Variants in GLG1 observed in about 807,000 individuals in gnomAD.
GLG1 encodes the protein Golgi apparatus protein 1.
Under a neutral mutation model 160.5 loss-of-function variants are expected in GLG1, and 38 were observed. The ratio of observed to expected loss-of-function variants is 0.24; its 90% CI spans 0.18 to 0.31. The LOEUF is 0.31. GLG1 is among the 10% of genes least tolerant of loss of function. GLG1 has a pLI of 1.00. For synonymous variants in GLG1, 644 were observed against 543.4 expected (o/e 1.19, Z -2.57); for missense variants, 1,373 against 1,505.2 (o/e 0.91, Z 1.45).
At chr16:74,459,603 G>C in intron 23 of GLG1, 79 bp downstream of exon 23, 1 of 747,728 alleles carries the variant, frequency 1.3e-6, no homozygotes, top group Non-Finnish European at 2.3e-6. Flanking sequence ...TACCAAGGTA[G>C]GCAGACTACA....
rs752260860 is a variant in GLG1 at position 74,493,034 on chromosome 16, T to A, written c.1157A>T (p.Asn386Ile). ...ACGCGATCGCGGAAGGTTTTCCACA[T>A]TGCACCGGTATTTCTTCAAGTCACT... The part of the protein sequence containing the change: ...CKSDLKKYRC[N>I]VENLPRSREA... The change falls in exon 7 of 26, where the codon AAT becomes ATT. Residue 386 changes from asparagine (N) to isoleucine (I), a missense_variant. Physicochemically the swap from Asn to Ile is moderately radical, Grantham distance 149 (BLOSUM62 -3). Coordinates refer to ENST00000422840, the MANE Select transcript of GLG1 (RefSeq NM_001145667.2). 1.1e-5 allele frequency: 18 copies of A among 1,613,866 alleles called. No homozygotes were observed. The highest frequency in any genetic ancestry group is 1.4e-5 in the Non-Finnish European group (17 of 1,179,788).
intron 1 of GLG1, among the ~76,000 whole-genome samples, chr16:74,602,076 G>C (rs903585397): frequency 6.6e-6 from 1 of 152,046 alleles, no homozygotes; most frequent in Non-Finnish European, 1.5e-5. Flanking sequence ...ACTATCTCAA[G>C]TATACAGTTA....
chr16:74,510,322 C>T (rs2016763671), intron 2 of GLG1, among the ~76,000 whole-genome samples: 1 of 152,194 alleles, frequency 6.6e-6, no homozygotes, highest in Admixed American at 6.5e-5. Flanking sequence ...TGAGCCACTG[C>T]ACCCAGCCCA....
At chr16:74,491,296 A>C in intron 7 of GLG1, 81 bp from the exon 8 acceptor site, 1 of 979,792 alleles carries the variant, frequency 1.0e-6, no homozygotes, top group Non-Finnish European at 1.6e-6. Flanking sequence ...TTAAAAGTAC[A>C]TATTTCTATC....
intron 1 of GLG1, among the ~76,000 whole-genome samples, chr16:74,560,092 C>T (rs1018036308): frequency 6.6e-6 from 1 of 152,132 alleles, no homozygotes; most frequent in Admixed American, 6.6e-5. Flanking sequence ...CACTGGGCCA[C>T]ACGCGTTTCG....
Position 74,540,104 on chromosome 16 carries a change from T to TTA in GLG1, c.439-7953_439-7952dup, listed in dbSNP as rs1365603054. 9.0e-3 allele frequency among the ~76,000 whole-genome samples: 12 copies of TTA among 1,334 alleles called. 4 individuals are homozygous for TTA. Among genetic ancestry groups the TTA allele is most frequent in the African/African-American group, 0.01 (12 of 1,186 alleles). The allele number at this position is 1,334 out of a possible 152,430, so 0.9% of individuals were successfully genotyped here. On this transcript the variant is annotated intron_variant, in intron 1 of 25. Transcript: ENST00000422840. The stretch of plus-strand genomic sequence containing the variant: ...ATTTTATATATATATTATATATATT[T>TTA]TATATATATATATTATATATATTTT...
Position 74,503,725 on chromosome 16 carries a change from G to C in GLG1, c.580C>G (p.Pro194Ala). Residue 194 changes from proline to alanine, a missense_variant, in exon 4 of 26, where the codon CCG becomes GCG. Pro to Ala is a conservative substitution (Grantham distance 27, BLOSUM62 -1). Coordinates refer to ENST00000422840, the MANE Select transcript of GLG1 (RefSeq NM_001145667.2). ...GAAACCATGTAACCTTTTCCAACCG[G>C]TTCATCAGCACATTCTTTAATCTGC... The part of the protein sequence containing the change: ...ITEIKECADE[P>A]VGKGYMVSCL... 2 of 1,610,954 alleles carry C rather than the reference G, an allele frequency of 1.2e-6. No homozygotes were observed. Among genetic ancestry groups the C allele is most frequent in the East Asian group, 2.2e-5 (1 of 44,848 alleles).
At chr16:74,554,544 TA>T (rs1329144174) in intron 1 of GLG1, among the ~76,000 whole-genome samples, 2 of 151,582 alleles carry the variant, frequency 1.3e-5, no homozygotes, top group Non-Finnish European at 2.9e-5. Flanking sequence ...AAAAGAAAAA[TA>T]AAAAAATGAG....
chr16:74,524,938 G>C (rs192798184), intron 2 of GLG1, among the ~76,000 whole-genome samples: 45 of 152,224 alleles, frequency 3.0e-4, no homozygotes, highest in Non-Finnish European at 5.6e-4. Context: ...GTGATCTTTT[G>C]AGTCCAGTTA....
rs1355098747 is a variant in GLG1, at chr16:74,474,618, A to G, written c.1980T>C (p.Leu660=). The G allele has an allele frequency of 1.3e-6, 2 of 1,548,898 alleles. No homozygotes were observed. The highest frequency in any genetic ancestry group is 3.3e-5 in the Admixed American group (2 of 59,966). ...CCACCAAGTCATCCAGATGGTCCTG[A>G]AGGCACTCCAGCTCCTGCAAATATA... ...KTETGQELEC[L]QDHLDDLVVE... is the part of the protein sequence containing the mutation. The change falls in exon 13 of 26, where the codon CTT becomes CTC. Residue 660 remains leucine (L), a synonymous_variant. Transcript: ENST00000422840.
intron 20 of GLG1, chr16:74,463,067 A>G: frequency 2.1e-6 from 1 of 473,074 alleles, no homozygotes; most frequent in South Asian, 3.3e-5. Context: ...TGGCACACTC[A>G]TGAAGTTTTA....
At position 74,456,742 on chromosome 16, in the gene GLG1, G is replaced by A. The variant is rs144527981; in HGVS notation, c.3279C>T (p.Leu1093=). The A allele has an allele frequency of 2.5e-6, 4 of 1,603,062 alleles. No homozygotes were observed. Among genetic ancestry groups the A allele is most frequent in the Admixed American group, 1.7e-5 (1 of 59,954 alleles). Residue 1093 remains leucine, a synonymous_variant, in exon 25 of 26, where the codon CTC becomes CTT. Coordinates refer to ENST00000422840, the MANE Select transcript of GLG1 (RefSeq NM_001145667.2). The part of the protein sequence containing the change: ...TPGRGRQMSC[L]MEALEDKRVR... ...CCCGCTTATCCTCCAGTGCTTCCAT[G>A]AGACAGGACATTTCTGTGGGAGGAA...
At chr16:74,515,425 G>C (rs541959446) in intron 2 of GLG1, among the ~76,000 whole-genome samples, 2 of 152,190 alleles carry the variant, frequency 1.3e-5, no homozygotes, top group East Asian at 1.9e-4. Flanking sequence ...ATGTAAAAGA[G>C]GAGAAATCAC....
chr16:74,589,914 G>A (rs901390630), intron 1 of GLG1, among the ~76,000 whole-genome samples: 1 of 152,094 alleles, frequency 6.6e-6, no homozygotes, highest in Admixed American at 6.6e-5. Flanking sequence ...TCCAGCCTAG[G>A]TGACAGAGTG....
intron 1 of GLG1, among the ~76,000 whole-genome samples, chr16:74,573,512 T>C (rs2018895853): frequency 6.9e-6 from 1 of 145,400 alleles, no homozygotes; most frequent in Admixed American, 6.8e-5. Context: ...ACTTAAATTT[T>C]AAAACTTATA....
intron 1 of GLG1, among the ~76,000 whole-genome samples, 195 bp from the exon 2 acceptor site, chr16:74,532,348 A>G (rs1266170490): frequency 6.6e-6 from 1 of 151,970 alleles, no homozygotes; most frequent in Non-Finnish European, 1.5e-5. Context: ...GGAGAAATGT[A>G]CCAGAAAGGT....
At chr16:74,495,680 T>C (rs2016158928) in intron 5 of GLG1, among the ~76,000 whole-genome samples, 1 of 152,156 alleles carries the variant, frequency 6.6e-6, no homozygotes, top group South Asian at 2.1e-4. Context: ...AACACATAAA[T>C]ATATAATGCG....
At chr16:74,515,504 G>A (rs1004211573) in intron 2 of GLG1, among the ~76,000 whole-genome samples, 15 of 151,976 alleles carry the variant, frequency 9.9e-5, no homozygotes, top group African/African-American at 2.9e-4. Context: ...ACTCAAAACC[G>A]CACAACTACA....
At chr16:74,470,120 G>A (rs1199693418) in intron 15 of GLG1, 47 bp from the exon 16 acceptor site, 2 of 1,126,036 alleles carry the variant, frequency 1.8e-6, no homozygotes, top group Non-Finnish European at 2.7e-6. Flanking sequence ...GGCAACTTGT[G>A]GTCAGTAGTG....
Sources: gnomAD v4.1 joint callset for allele counts (sites outside exome capture counted in the v4.1 genomes callset) on GRCh38, gnomAD v4.1.1 for gene constraint, MANE v1.5 for transcripts, NCBI Gene and HGNC (gene_info 2026-07-23, HGNC 2026-07-21) for gene names.